The following SDCCAG8 variants were observed in gnomAD, a reference collection of about 807,000 sequenced individuals.
SDCCAG8 encodes SHH signaling and ciliogenesis regulator SDCCAG8, also known as serologically defined colon cancer antigen 8.
A neutral mutation model predicts 101.8 loss-of-function variants in SDCCAG8; 74 were observed. The ratio of observed to expected loss-of-function variants is 0.73; its 90% confidence interval spans 0.60 to 0.88. The LOEUF (loss-of-function observed/expected upper bound fraction) is 0.88, where lower values mean the gene tolerates loss of function less well. Ranked by LOEUF, SDCCAG8 falls within the 40% of genes least tolerant of loss-of-function variation. The probability of loss-of-function intolerance (pLI) is 0.00; values close to 1 mark genes in which losing one functional copy is unlikely to be tolerated. For synonymous variants in SDCCAG8, 281 were observed against 292.9 expected (o/e 0.96, Z 0.41); for missense variants, 787 against 822.6 (o/e 0.96, Z 0.53).
At chr1:243,460,375 G>T (rs1463474604) in intron 16 of SDCCAG8, among the ~76,000 whole-genome samples, 1 of 152,084 alleles carries the variant, frequency 6.6e-6, no homozygotes, top group Non-Finnish European at 1.5e-5. Flanking sequence ...ATGTTGGTCA[G>T]CCTTCCCTGA....
intron 7 of SDCCAG8, chr1:243,305,109 A>AT (rs779149290): frequency 3.9e-6 from 1 of 253,610 alleles, no homozygotes; most frequent in Non-Finnish European, 7.7e-6. Flanking sequence ...GATTGAGACC[A>AT]TCCTGGCCAA....
At chr1:243,433,356 GAAAAAA>G (rs914707825) in intron 16 of SDCCAG8, among the ~76,000 whole-genome samples, 1 of 64,962 alleles carries the variant, frequency 1.5e-5, no homozygotes, top group Non-Finnish European at 3.4e-5. Context: ...CGTCTCAAAA[GAAAAAA>G]AAAAAAAAAA....
intron 16 of SDCCAG8, among the ~76,000 whole-genome samples, chr1:243,441,028 A>G (rs891491058): frequency 1.3e-5 from 2 of 152,212 alleles, no homozygotes; most frequent in Admixed American, 1.3e-4. Context: ...TTGTATATGA[A>G]CATGGGCCAA....
intron 16 of SDCCAG8, among the ~76,000 whole-genome samples, chr1:243,430,433 TTTTTA>T (rs1186270301): frequency 2.6e-5 from 4 of 151,968 alleles, no homozygotes; most frequent in Admixed American, 2.0e-4. Flanking sequence ...TATGTTTTTG[TTTTTA>T]TTTTATTTTA....
At chr1:243,313,571 C>T (rs1448938190) in intron 8 of SDCCAG8, among the ~76,000 whole-genome samples, 1 of 152,178 alleles carries the variant, frequency 6.6e-6, no homozygotes, top group Non-Finnish European at 1.5e-5. Context: ...TGGAATGTTG[C>T]AGGGTTAACA....
chr1:243,469,932 G>A (rs1660897649), intron 16 of SDCCAG8, among the ~76,000 whole-genome samples: 1 of 150,216 alleles, frequency 6.7e-6, no homozygotes, highest in Admixed American at 6.6e-5. Flanking sequence ...CAAGTAAAGG[G>A]GTACTTCAGA....
chr1:243,309,808 G>A (rs2072535176), intron 8 of SDCCAG8, among the ~76,000 whole-genome samples: 3 of 152,090 alleles, frequency 2.0e-5, no homozygotes, highest in Admixed American at 1.3e-4. Context: ...CCTACTAATT[G>A]TTATATGAAC....
chr1:243,421,654 A>G (rs568571194), intron 15 of SDCCAG8, among the ~76,000 whole-genome samples: 1 of 152,276 alleles, frequency 6.6e-6, no homozygotes, highest in East Asian at 1.9e-4. Flanking sequence ...TGAACTGCCG[A>G]TTCTGTGCAT....
chr1:243,369,930 T>C (rs58693656), intron 12 of SDCCAG8, among the ~76,000 whole-genome samples: 15,791 of 152,140 alleles, frequency 0.1, 1,052 homozygotes, highest in African/African-American at 0.19. Context: ...TTTCACTTCA[T>C]CTCTTTTTAC....
chr1:243,336,638 G>A (rs2075032097), intron 10 of SDCCAG8, among the ~76,000 whole-genome samples: 1 of 152,022 alleles, frequency 6.6e-6, no homozygotes, highest in Non-Finnish European at 1.5e-5. Context: ...AACAGCCAGG[G>A]GGAAACTGCC....
intron 6 of SDCCAG8, among the ~76,000 whole-genome samples, chr1:243,303,808 C>T (rs1239343679): frequency 2.0e-5 from 3 of 152,104 alleles, no homozygotes; most frequent in Non-Finnish European, 4.4e-5. Flanking sequence ...CGCAGTGGCT[C>T]ACACCTGTAA....
chr1:243,419,931 C>A (rs2080871283), intron 15 of SDCCAG8, among the ~76,000 whole-genome samples: 1 of 152,208 alleles, frequency 6.6e-6, no homozygotes, highest in Non-Finnish European at 1.5e-5. Flanking sequence ...CTCAGAACCT[C>A]TATTGCTCCT....
intron 11 of SDCCAG8, among the ~76,000 whole-genome samples, chr1:243,342,797 G>A (rs1293906783): frequency 6.6e-6 from 1 of 151,966 alleles, no homozygotes; most frequent in Non-Finnish European, 1.5e-5. Flanking sequence ...CTCTCACATT[G>A]AAGGCATTTG....
At chr1:243,468,221 G>T (rs1464255031) in intron 16 of SDCCAG8, among the ~76,000 whole-genome samples, 1 of 141,206 alleles carries the variant, frequency 7.1e-6, no homozygotes. Flanking sequence ...TTCTTCAAAG[G>T]TTTTTTTTTT....
intron 1 of SDCCAG8, among the ~76,000 whole-genome samples, chr1:243,263,109 C>T (rs531801856): frequency 4.6e-5 from 7 of 152,312 alleles, no homozygotes; most frequent in Admixed American, 1.3e-4. Flanking sequence ...CATCAAGAGG[C>T]GGCAACACTT....
At chr1:243,259,610 T>A (rs1010744702) in intron 1 of SDCCAG8, among the ~76,000 whole-genome samples, 8 of 151,828 alleles carry the variant, frequency 5.3e-5, no homozygotes, top group African/African-American at 1.9e-4. Context: ...ACCTGACGTC[T>A]GGAGTTCGAG....
chr1:243,414,162 A>C (rs1407559164), intron 13 of SDCCAG8, among the ~76,000 whole-genome samples: 2 of 152,194 alleles, frequency 1.3e-5, no homozygotes, highest in African/African-American at 4.8e-5. Flanking sequence ...CATTGAGGGA[A>C]GAATAGTTAA....
chr1:243,273,961 G>A (rs1208225946), intron 3 of SDCCAG8, among the ~76,000 whole-genome samples: 1 of 152,166 alleles, frequency 6.6e-6, no homozygotes, highest in Non-Finnish European at 1.5e-5. Context: ...GGAATTTATA[G>A]GATAGAGAAG....
chr1:243,280,001 A>G (rs2068895927), intron 4 of SDCCAG8, among the ~76,000 whole-genome samples: 1 of 152,180 alleles, frequency 6.6e-6, no homozygotes, highest in African/African-American at 2.4e-5. Flanking sequence ...AATATTTGAT[A>G]GAATTCACTA....
Sources: gnomAD v4.1 joint callset for allele counts (sites outside exome capture counted in the v4.1 genomes callset) on GRCh38, gnomAD v4.1.1 for gene constraint, MANE v1.5 for transcripts, NCBI Gene and HGNC (gene_info 2026-07-23, HGNC 2026-07-21) for gene names.